The following AP3M2 variants were observed in gnomAD, a reference collection of about 807,000 sequenced individuals.
The protein encoded by AP3M2 is adaptor related protein complex 3 subunit mu 2.
In AP3M2, 28 loss-of-function variants were observed where a neutral mutation model predicts 41.6. The ratio of observed to expected loss-of-function variants is 0.67; its 90% CI spans 0.50 to 0.92. AP3M2 has a LOEUF of 0.92. Among genes scored for constraint, AP3M2 ranks in the 40% least tolerant of loss-of-function variants. AP3M2 has a pLI of 0.00. For synonymous variants in AP3M2, 193 were observed against 186.4 expected (o/e 1.04, Z -0.29); for missense variants, 427 against 521.4 (o/e 0.82, Z 1.76).
chr8:42,159,050 C>T (rs188316233), intron 3 of AP3M2, among the ~76,000 whole-genome samples: 2 of 152,320 alleles, frequency 1.3e-5, no homozygotes, highest in Admixed American at 6.5e-5. Context: ...CCACCTTGGC[C>T]TCCCAAAGTT....
At position 42,162,307 on chromosome 8, in the gene AP3M2, CCCACT is replaced by C; in HGVS notation, c.473_477del (p.Pro158ArgfsTer19). On this transcript the variant is annotated frameshift_variant, in exon 4 of 9. Transcript: ENST00000396926. LOFTEE classifies it high-confidence loss of function. ...AAGCACGAATGTGGGTGACCAGCTT[CCCACT>C]GGGCAGCTGTCAGTGGTGCCTTGGC... 6.2e-7 allele frequency: 1 copy of C among 1,612,936 alleles called. No individual in the cohort carries two copies. Among genetic ancestry groups the C allele is most frequent in the Non-Finnish European group, 8.5e-7 (1 of 1,179,452 alleles).
In AP3M2 at chr8:42,162,437, T is replaced by G. The variant is rs749761524; in HGVS notation, c.583+19T>G. ...AAATCAGGTAGGTGCTTTTAATATG[T>G]TCTCAGAAATATGAAAATAGAAAGG... On this transcript the variant is annotated intron_variant, in intron 4 of 8. Coordinates refer to ENST00000396926, the MANE Select transcript of AP3M2 (RefSeq NM_006803.4). The G allele has an allele frequency of 2.7e-5, 42 of 1,583,374 alleles. No individual in the cohort carries two copies. Among genetic ancestry groups the G allele is most frequent in the East Asian group, 2.0e-4 (9 of 44,070 alleles).
intron 3 of AP3M2, 135 bp downstream of exon 3, chr8:42,158,247 GTTGTTTT>G: frequency 3.7e-5 from 14 of 377,994 alleles, no homozygotes; most frequent in South Asian, 9.6e-5. Flanking sequence ...GCTCTTTGTA[GTTGTTTT>G]TTTTTTTTTT....
At chr8:42,165,404 T>G in intron 5 of AP3M2, 23 bp from the exon 6 acceptor site, 1 of 1,611,024 alleles carries the variant, frequency 6.2e-7, no homozygotes, top group Non-Finnish European at 8.5e-7. Context: ...CACTTCTTGC[T>G]TCTCCTCTCC....
intron 3 of AP3M2, among the ~76,000 whole-genome samples, chr8:42,161,018 A>G (rs1396400746): frequency 6.6e-6 from 1 of 152,222 alleles, no homozygotes. Flanking sequence ...TGAAAAGTTG[A>G]AATGGGCCTG....
rs369414381 is a variant in AP3M2, at chr8:42,154,716, C to T, written c.29C>T (p.Ser10Phe). 25 of 1,614,014 alleles carry T rather than the reference C, an allele frequency of 1.5e-5. No individual in the cohort carries two copies. Among genetic ancestry groups the T allele is most frequent in the Non-Finnish European group, 2.1e-5 (25 of 1,180,034 alleles). Residue 10 changes from serine to phenylalanine, a missense_variant, in exon 2 of 9, where the codon TCC becomes TTC. By Grantham distance (155) the Ser-to-Phe change is radical. Coordinates refer to ENST00000396926, the MANE Select transcript of AP3M2 (RefSeq NM_006803.4). MIHSLFLINSSGDIFLEKHW... is the reference protein window; with the variant it reads MIHSLFLINFSGDIFLEKHW... The stretch of plus-strand genomic sequence containing the variant: ...ATCCATAGTCTTTTCTTGATCAACT[C>T]CTCTGGAGACATTTTCCTGGAGAAA...
chr8:42,164,155 G>A (rs550174708), intron 4 of AP3M2, among the ~76,000 whole-genome samples: 4 of 152,328 alleles, frequency 2.6e-5, no homozygotes, highest in Admixed American at 2.6e-4. Flanking sequence ...GTGAGTCCTC[G>A]AAAAGAAAGG....
chr8:42,165,060 T>A lies in AP3M2; in HGVS notation c.584-11T>A. ...GTAATCTGTGTTCTTTTTGTCTTAT[T>A]CCTGTCTCAGGCTCCACAATTACTG... On this transcript the variant is annotated splice_polypyrimidine_tract_variant and intron_variant, in intron 4 of 8. Coordinates refer to ENST00000396926, the MANE Select transcript of AP3M2 (RefSeq NM_006803.4). 1.9e-6 allele frequency: 3 copies of A among 1,611,450 alleles called. No homozygotes were observed. The highest frequency in any genetic ancestry group is 2.5e-6 in the Non-Finnish European group (3 of 1,178,740).
At chr8:42,154,486 A>G (rs1804300830) in intron 1 of AP3M2, 130 bp from the exon 2 acceptor site, 2 of 632,890 alleles carry the variant, frequency 3.2e-6, no homozygotes, top group African/African-American at 1.8e-5. Flanking sequence ...AGGGAGGGCT[A>G]TCTTCAGGCT....
intron 1 of AP3M2, 76 bp downstream of exon 1, chr8:42,153,181 G>A (rs1804254111): frequency 2.0e-5 from 3 of 152,496 alleles, no homozygotes; most frequent in African/African-American, 7.2e-5. Context: ...CGGGGTCTCA[G>A]GATGCAGCCG....
intron 6 of AP3M2, 174 bp downstream of exon 6, chr8:42,165,734 C>G: frequency 1.6e-6 from 1 of 606,982 alleles, no homozygotes; most frequent in Non-Finnish European, 2.8e-6. Flanking sequence ...TATCTCTTTT[C>G]TCATCTGTAA....
chr8:42,160,358 T>C (rs1173685059), intron 3 of AP3M2, among the ~76,000 whole-genome samples: 1 of 152,202 alleles, frequency 6.6e-6, no homozygotes, highest in Non-Finnish European at 1.5e-5. Context: ...CTTGCTTTTA[T>C]AGGAATTTGG....
chr8:42,162,655 A>G (rs1472852953), intron 4 of AP3M2, among the ~76,000 whole-genome samples: 1 of 152,002 alleles, frequency 6.6e-6, no homozygotes, highest in African/African-American at 2.4e-5. Flanking sequence ...TAAAAAAGAG[A>G]AGTAACAGGC....
chr8:42,162,971 A>AAAAAAT (rs1804548093), intron 4 of AP3M2, among the ~76,000 whole-genome samples: 1 of 146,938 alleles, frequency 6.8e-6, no homozygotes, highest in Non-Finnish European at 1.5e-5. Context: ...AAAAAAAAAA[A>AAAAAAT]GTAACAAATT....
chr8:42,167,136 G>T, intron 6 of AP3M2, 28 bp from the exon 7 acceptor site: 4 of 1,607,068 alleles, frequency 2.5e-6, no homozygotes, highest in Non-Finnish European at 3.4e-6. Flanking sequence ...GTGCACGAAT[G>T]AAATGACTCT....
chr8:42,162,525 A>G (rs1386329024), intron 4 of AP3M2, 107 bp downstream of exon 4: 4 of 1,315,232 alleles, frequency 3.0e-6, no homozygotes, highest in East Asian at 4.8e-5. Context: ...ATCCACTTCA[A>G]TTTAGTGCCT....
intron 2 of AP3M2, 107 bp downstream of exon 2, chr8:42,155,067 A>G: frequency 1.1e-6 from 1 of 940,288 alleles, no homozygotes; most frequent in Non-Finnish European, 1.6e-6. Flanking sequence ...AAAAATCAAA[A>G]CTCTGGTATT....
intron 2 of AP3M2, chr8:42,156,049 A>G (rs982099599): frequency 4.2e-5 from 19 of 455,508 alleles, no homozygotes; most frequent in Admixed American, 2.6e-4. Flanking sequence ...CGTAAGTATA[A>G]GTCCCAGTAT....
At chr8:42,156,201 C>T (rs573751138) in intron 2 of AP3M2, among the ~76,000 whole-genome samples, 1 of 152,148 alleles carries the variant, frequency 6.6e-6, no homozygotes, top group Non-Finnish European at 1.5e-5. Flanking sequence ...TATGGCCATA[C>T]TAATGTAACT....
Sources: gnomAD v4.1 joint callset for allele counts (sites outside exome capture counted in the v4.1 genomes callset) on GRCh38, gnomAD v4.1.1 for gene constraint, MANE v1.5 for transcripts, NCBI Gene and HGNC (gene_info 2026-07-23, HGNC 2026-07-21) for gene names.